Variants in MRPL39 observed in about 807,000 individuals in gnomAD.
MRPL39 encodes the protein large ribosomal subunit protein mL39.
Under a neutral mutation model 44.5 loss-of-function variants are expected in MRPL39, and 35 were observed. That is an observed-to-expected ratio of 0.79 (90% confidence interval 0.60 to 1.04). MRPL39 has a LOEUF of 1.04. Among genes scored for constraint, MRPL39 ranks in the 50% least tolerant of loss-of-function variants. The pLI, the probability that MRPL39 is intolerant of heterozygous loss-of-function variation, is 0.00. For synonymous variants in MRPL39, 139 were observed against 136.1 expected (o/e 1.02, Z -0.15); for missense variants, 433 against 413.5 (o/e 1.05, Z -0.41).
intron 9 of MRPL39, among the ~76,000 whole-genome samples, chr21:25,588,209 G>A (rs1253741005): frequency 6.6e-6 from 1 of 152,092 alleles, no homozygotes; most frequent in Admixed American, 6.5e-5. Flanking sequence ...CTACTTGGGA[G>A]GCTGAGGCAC....
intron 6 of MRPL39, 79 bp from the exon 7 acceptor site, chr21:25,594,037 T>C: frequency 1.7e-6 from 2 of 1,175,496 alleles, no homozygotes; most frequent in Non-Finnish European, 2.5e-6. Context: ...CCCTTTCTCT[T>C]CCTCTTCAGC....
At chr21:25,588,022 A>G (rs932275406) in intron 9 of MRPL39, among the ~76,000 whole-genome samples, 4 of 152,132 alleles carry the variant, frequency 2.6e-5, no homozygotes, top group Non-Finnish European at 5.9e-5. Flanking sequence ...AAGAAATACA[A>G]TCACCCGGGC....
chr21:25,589,122 A>G lies in MRPL39; in HGVS notation c.922-240T>C, dbSNP rs561443113. On this transcript the variant is annotated intron_variant, in intron 8 of 9. Coordinates refer to ENST00000352957, the MANE Select transcript of MRPL39 (RefSeq NM_017446.4). ...CAGAGGTTGCAGTGAGCATTTAAGA[A>G]AAAAACGCTTAAGGATTGAACGTGC... Among the ~76,000 whole-genome samples, 3 of 152,326 alleles carry G rather than the reference A, an allele frequency of 2.0e-5. No homozygotes were observed. In the East Asian group the frequency reaches 5.8e-4, roughly 29 times the overall value.
intron 2 of MRPL39, among the ~76,000 whole-genome samples, chr21:25,606,091 A>G (rs531386784): frequency 6.6e-6 from 1 of 152,272 alleles, no homozygotes; most frequent in South Asian, 2.1e-4. Context: ...GGTGCCAGAT[A>G]AAGAACCTCT....
At chr21:25,587,817 T>C in intron 9 of MRPL39, 4 of 1,522,216 alleles carry the variant, frequency 2.6e-6, no homozygotes, top group Non-Finnish European at 3.6e-6. Flanking sequence ...CATGAAGAAA[T>C]AAGCAAACTT....
intron 6 of MRPL39, among the ~76,000 whole-genome samples, chr21:25,595,939 C>T (rs948781364): frequency 1.3e-4 from 20 of 152,186 alleles, no homozygotes; most frequent in African/African-American, 4.3e-4. Context: ...TTCTACAATA[C>T]TATCTGTACT....
At chr21:25,590,888 C>T (rs1437045542) in intron 8 of MRPL39, among the ~76,000 whole-genome samples, 1 of 152,080 alleles carries the variant, frequency 6.6e-6, no homozygotes, top group Admixed American at 6.6e-5. Context: ...TTTAGAGCTA[C>T]AGTAATCAAG....
chr21:25,606,761 C>A lies in MRPL39; in HGVS notation c.74-106G>T, dbSNP rs1456750026. The A allele has an allele frequency of 5.9e-6, 5 of 849,730 alleles. No individual in the cohort carries two copies. In the African/African-American group the frequency reaches 8.5e-5, roughly 14 times the overall value. The allele number at this position is 849,730 out of a possible 1,614,324, so 52.6% of individuals were successfully genotyped here. A position where few individuals can be genotyped will look rare whatever the true frequency, so the allele number is the denominator to read the frequency against. ...ACCAATTTGTAATATTAACAAACACCAGCGGAAGAAACAGAGCTGGCCCAG... is the reference window on the plus strand; with the variant it reads ...ACCAATTTGTAATATTAACAAACACAAGCGGAAGAAACAGAGCTGGCCCAG... On this transcript the variant is annotated intron_variant, in intron 1 of 9. Transcript: ENST00000352957.
chr21:25,597,889 T>C (rs938960108), intron 5 of MRPL39, among the ~76,000 whole-genome samples: 10 of 152,134 alleles, frequency 6.6e-5, no homozygotes, highest in Non-Finnish European at 1.5e-4. Flanking sequence ...ACCCACCCTG[T>C]GCAAAGTATA....
chr21:25,604,840 G>A (rs1281765456), intron 2 of MRPL39, among the ~76,000 whole-genome samples: 1 of 152,212 alleles, frequency 6.6e-6, no homozygotes, highest in African/African-American at 2.4e-5. Flanking sequence ...TATAGCAGGT[G>A]TTCAATAACA....
intron 9 of MRPL39, among the ~76,000 whole-genome samples, chr21:25,588,392 C>A (rs547047129): frequency 5.8e-4 from 88 of 152,128 alleles, no homozygotes; most frequent in African/African-American, 1.9e-3. Context: ...TACAAAAACA[C>A]AAACATTCAA....
chr21:25,589,002 A>G (rs572804462), intron 8 of MRPL39, 120 bp from the exon 9 acceptor site: 13 of 819,188 alleles, frequency 1.6e-5, no homozygotes, highest in South Asian at 3.9e-5. Context: ...ACTAATTTAG[A>G]TAAGTGGTTA....
intron 5 of MRPL39, among the ~76,000 whole-genome samples, chr21:25,599,593 C>T (rs749572400): frequency 6.6e-6 from 1 of 152,058 alleles, no homozygotes; most frequent in Non-Finnish European, 1.5e-5. Flanking sequence ...CATTCACATC[C>T]CTCTGTCTTA....
chr21:25,602,094 G>A (rs1276874893), intron 3 of MRPL39, among the ~76,000 whole-genome samples: 1 of 152,208 alleles, frequency 6.6e-6, no homozygotes, highest in East Asian at 1.9e-4. Context: ...ACTACTCTGT[G>A]CACTTTTCAG....
At chr21:25,591,566 A>G (rs1291019378) in intron 8 of MRPL39, among the ~76,000 whole-genome samples, 1 of 152,224 alleles carries the variant, frequency 6.6e-6, no homozygotes, top group Non-Finnish European at 1.5e-5. Flanking sequence ...TAAGTACATG[A>G]AAAAATGATC....
intron 9 of MRPL39, among the ~76,000 whole-genome samples, chr21:25,588,340 T>G (rs2031069396): frequency 6.6e-6 from 1 of 152,000 alleles, no homozygotes; most frequent in Non-Finnish European, 1.5e-5. Flanking sequence ...AATACTATCA[T>G]TCCTACTCAT....
At chr21:25,593,532 T>A (rs2829812) in intron 7 of MRPL39, among the ~76,000 whole-genome samples, 119,206 of 152,188 alleles carry the variant, frequency 0.78, 46,870 homozygotes, top group Non-Finnish European at 0.82. Flanking sequence ...TACATGTATC[T>A]TAAGTAATTA....
At chr21:25,607,548 G>C (rs1008463501), upstream of MRPL39, 5 of 1,497,178 alleles carry the variant, frequency 3.3e-6, no homozygotes, top group African/African-American at 4.1e-5. Context: ...CGCACTCGGA[G>C]TTCCGCAGGA....
In MRPL39 at chr21:25,607,452, G is replaced by T. The variant is rs138935322; in HGVS notation, c.24C>A (p.Ser8=). ...CGACCAGCCAGAGCCGCAGCGCCCG[G>T]GAACCCATGGCCAGCGCCTCCATAG... is the stretch of plus-strand genomic sequence containing the variant. MEALAMG[S]RALRLWLVAP... The change falls in exon 1 of 10, where the codon TCC becomes TCA. Residue 8 remains serine, a synonymous_variant. Coordinates refer to ENST00000352957, the MANE Select transcript of MRPL39 (RefSeq NM_017446.4). 2 of 1,612,822 alleles carry T rather than the reference G, an allele frequency of 1.2e-6. No individual in the cohort carries two copies. The highest frequency in any genetic ancestry group is 1.7e-5 in the Admixed American group (1 of 60,022).
Sources: gnomAD v4.1 joint callset for allele counts (sites outside exome capture counted in the v4.1 genomes callset) on GRCh38, gnomAD v4.1.1 for gene constraint, MANE v1.5 for transcripts, NCBI Gene and HGNC (gene_info 2026-07-23, HGNC 2026-07-21) for gene names.